CFAP299: variants seen among roughly 807,000 people sequenced by gnomAD.
CFAP299 encodes the protein cilia and flagella associated protein 299.
Under a neutral mutation model 27.0 loss-of-function variants are expected in CFAP299, and 21 were observed. The ratio of observed to expected loss-of-function variants is 0.78; its 90% CI spans 0.55 to 1.12. CFAP299 has a LOEUF of 1.12. CFAP299 is among the 50% of genes most tolerant of loss of function. The pLI is 0.00. For missense variants in CFAP299, 310 were observed against 276.6 expected, an observed-to-expected ratio of 1.12 and a Z score of -0.86; for synonymous variants, 104 against 98.1, an observed-to-expected ratio of 1.06 and a Z score of -0.36.
At chr4:80,592,550 G>A (rs1736839933) in intron 3 of CFAP299, among the ~76,000 whole-genome samples, 1 of 152,108 alleles carries the variant, frequency 6.6e-6, no homozygotes, top group Admixed American at 6.5e-5. Context: ...ACTTCTCAAA[G>A]TTAAAAGAGG....
At chr4:80,389,874 C>A (rs578177592) in intron 2 of CFAP299, among the ~76,000 whole-genome samples, 6 of 152,242 alleles carry the variant, frequency 3.9e-5, no homozygotes, top group African/African-American at 1.4e-4. Context: ...TAAAGTCTTT[C>A]AATTAGCACA....
intron 3 of CFAP299, among the ~76,000 whole-genome samples, chr4:80,624,707 A>G (rs1189632724): frequency 7.2e-5 from 11 of 152,046 alleles, no homozygotes. Context: ...TCAAAAATCA[A>G]TGAGGAGAGG....
At chr4:80,690,653 C>G (rs1408151261) in intron 3 of CFAP299, among the ~76,000 whole-genome samples, 2 of 152,178 alleles carry the variant, frequency 1.3e-5, no homozygotes, top group Non-Finnish European at 2.9e-5. Context: ...CAAGAACAAA[C>G]ACATTCAAAA....
At chr4:80,333,445 G>A (rs1397068024), upstream of CFAP299, among the ~76,000 whole-genome samples, 6 of 152,022 alleles carry the variant, frequency 3.9e-5, no homozygotes, top group East Asian at 1.9e-4. Context: ...TTAATAGAAC[G>A]TCTTAATAGA....
chr4:80,872,969 T>G (rs1049985449), intron 4 of CFAP299: 3 of 977,058 alleles, frequency 3.1e-6, no homozygotes, highest in African/African-American at 1.8e-5. Flanking sequence ...GAAGTTCTGA[T>G]AGTCATCTTA....
intron 3 of CFAP299, among the ~76,000 whole-genome samples, chr4:80,854,288 C>G (rs972459849): frequency 7.9e-5 from 12 of 152,086 alleles, no homozygotes; most frequent in African/African-American, 2.9e-4. Flanking sequence ...AGAAACAAAG[C>G]TATTTCAGCA....
chr4:80,325,709 C>G, the CFAP299 span, among the ~76,000 whole-genome samples: 1 of 152,170 alleles, frequency 6.6e-6, no homozygotes, highest in Non-Finnish European at 1.5e-5. Context: ...ATGTGACTGG[C>G]TGGCCATCCA....
chr4:80,647,675 C>T (rs1330334764), intron 3 of CFAP299, among the ~76,000 whole-genome samples: 1 of 143,634 alleles, frequency 7.0e-6, no homozygotes, highest in Non-Finnish European at 1.5e-5. Flanking sequence ...TTTGTTTCCA[C>T]ACATGTTTAT....
chr4:80,689,938 G>T (rs1164831374), intron 3 of CFAP299, among the ~76,000 whole-genome samples: 1 of 151,134 alleles, frequency 6.6e-6, no homozygotes, highest in Non-Finnish European at 1.5e-5. Context: ...GATCAAAAGA[G>T]ACAAAGAAGG....
chr4:80,933,446 C>A (rs554598300), intron 4 of CFAP299, among the ~76,000 whole-genome samples: 1 of 152,024 alleles, frequency 6.6e-6, no homozygotes, highest in African/African-American at 2.4e-5. Flanking sequence ...CCAACAGGTC[C>A]GTGCACGGTG....
At chr4:80,442,595 GAGAA>G (rs1435891749) in intron 2 of CFAP299, among the ~76,000 whole-genome samples, 2 of 151,110 alleles carry the variant, frequency 1.3e-5, no homozygotes, top group Non-Finnish European at 3.0e-5. Context: ...ATGCCCACAT[GAGAA>G]AATTGACACC....
intron 2 of CFAP299, among the ~76,000 whole-genome samples, chr4:80,550,785 GCACACA>G (rs915246015): frequency 7.4e-6 from 1 of 135,056 alleles, no homozygotes; most frequent in Non-Finnish European, 1.6e-5. Context: ...ACACACACAC[GCACACA>G]CACACACGCA....
At chr4:80,721,860 T>C (rs568282101) in intron 3 of CFAP299, among the ~76,000 whole-genome samples, 5 of 152,208 alleles carry the variant, frequency 3.3e-5, no homozygotes, top group African/African-American at 1.2e-4. Context: ...CCCAATAAAA[T>C]TGTCTTTCAA....
chr4:80,693,696 A>G (rs1182011219), intron 3 of CFAP299, among the ~76,000 whole-genome samples: 2 of 151,580 alleles, frequency 1.3e-5, no homozygotes, highest in South Asian at 2.1e-4. Flanking sequence ...TATAATAATA[A>G]TTTAAAAAAA....
chr4:80,881,276 G>A (rs1733691636), intron 4 of CFAP299, among the ~76,000 whole-genome samples: 1 of 152,162 alleles, frequency 6.6e-6, no homozygotes, highest in South Asian at 2.1e-4. Context: ...GCATAACAGA[G>A]GTTCTTCCTC....
At chr4:80,488,619 A>G (rs1578504032) in intron 2 of CFAP299, among the ~76,000 whole-genome samples, 1 of 151,968 alleles carries the variant, frequency 6.6e-6, no homozygotes, top group Non-Finnish European at 1.5e-5. Flanking sequence ...GACTAAAGGC[A>G]CCAGCCACCA....
At chr4:80,576,533 A>G (rs370941594) in intron 2 of CFAP299, among the ~76,000 whole-genome samples, 3 of 152,230 alleles carry the variant, frequency 2.0e-5, no homozygotes, top group South Asian at 4.1e-4. Context: ...AATAGAATTT[A>G]AATTATTTGG....
the CFAP299 span, among the ~76,000 whole-genome samples, chr4:80,328,134 A>G: frequency 2.0e-5 from 3 of 152,318 alleles, no homozygotes; most frequent in Admixed American, 6.5e-5. Flanking sequence ...AAAGCTTAGA[A>G]GAGAACAGGG....
chr4:80,886,343 A>C (rs1733971519), intron 4 of CFAP299, among the ~76,000 whole-genome samples: 1 of 152,234 alleles, frequency 6.6e-6, no homozygotes, highest in Non-Finnish European at 1.5e-5. Context: ...GATCTAACCC[A>C]GCACAGTTCC....
Sources: allele counts gnomAD v4.1 joint callset (sites outside exome capture counted in the v4.1 genomes callset), GRCh38; gene constraint gnomAD v4.1.1; transcripts MANE v1.5; gene names NCBI Gene and HGNC (gene_info 2026-07-23, HGNC 2026-07-21).